SYTL5: variants seen among roughly 807,000 people sequenced by gnomAD.
The protein encoded by SYTL5 is synaptotagmin like 5, also known as synaptotagmin-like protein 5.
A neutral mutation model predicts 55.9 loss-of-function variants in SYTL5; 34 were observed. The ratio of observed to expected loss-of-function variants is 0.61; its 90% CI spans 0.46 to 0.81. The LOEUF is 0.81. SYTL5 is among the 30% of genes least tolerant of loss of function. SYTL5 has a pLI of 0.00. For missense variants in SYTL5, 637 were observed against 546.7 expected (o/e 1.17, Z -1.65); for synonymous variants, 221 against 188.7 (o/e 1.17, Z -1.40).
rs193112741 is a variant in SYTL5 at position 38,108,904 on chromosome X, C to T, written c.1434+205C>T. On this transcript the variant is annotated intron_variant, in intron 12 of 16. Coordinates refer to ENST00000297875, the MANE Select transcript of SYTL5 (RefSeq NM_138780.3). ...AACACTCTTACTCTATTTAAGTCTA[C>T]GCTGCTACTGAATTTGAACCTTGAG... Among the ~76,000 whole-genome samples the T allele has an allele frequency of 9.8e-5, 11 of 112,516 alleles. No homozygotes were observed. In the East Asian group the frequency reaches 1.4e-3, roughly 14 times the overall value.
In SYTL5 at chrX:38,108,718, A is replaced by C; in HGVS notation, c.1434+19A>C. 135 of 1,027,994 alleles carry C rather than the reference A, an allele frequency of 1.3e-4. No individual in the cohort carries two copies. The highest frequency in any genetic ancestry group is 1.6e-4 in the Non-Finnish European group (121 of 739,426). The allele number at this position is 1,027,994 out of a possible 1,213,427, so 84.7% of individuals were successfully genotyped here. A position where few individuals can be genotyped will look rare whatever the true frequency, so the allele number is the denominator to read the frequency against. ...ACTAAAGGTAAATAAATACGGTCTC[A>C]TAGTAACTCATGTGGTACTGTTCAC... is the stretch of plus-strand genomic sequence containing the variant. On this transcript the variant is annotated intron_variant, in intron 12 of 16. Coordinates refer to ENST00000297875, the MANE Select transcript of SYTL5 (RefSeq NM_138780.3).
chrX:37,902,441 A>T, the SYTL5 span, among the ~76,000 whole-genome samples: 1 of 112,364 alleles, frequency 8.9e-6, no homozygotes, highest in South Asian at 3.7e-4. Context: ...ATTTTAAAAA[A>T]ATTGTTAATG....
At chrX:37,929,668 C>A in the SYTL5 span, among the ~76,000 whole-genome samples, 3 of 111,436 alleles carry the variant, frequency 2.7e-5, no homozygotes, top group African/African-American at 6.5e-5. Flanking sequence ...TGATCTGAGA[C>A]AAATGGCCAC....
the SYTL5 span, among the ~76,000 whole-genome samples, chrX:37,968,114 T>A: frequency 4.5e-5 from 5 of 110,579 alleles, no homozygotes; most frequent in African/African-American, 1.6e-4. Context: ...GTAAGGTAAA[T>A]CAAATATCTC....
At position 38,110,486 on chromosome X, in the gene SYTL5, G is replaced by A; in HGVS notation, c.1596+4G>A. On this transcript the variant is annotated splice_donor_region_variant and intron_variant, in intron 13 of 16. Transcript: ENST00000297875. Reference sequence around the variant, plus strand: ...GTGGTTTGTGCTTCAACCCAAGGTAGGAAATGCTCTCAGATTAGTCAGTTA... The same window carrying A: ...GTGGTTTGTGCTTCAACCCAAGGTAAGAAATGCTCTCAGATTAGTCAGTTA... 6.8e-6 allele frequency: 8 copies of A among 1,183,111 alleles called. No individual in the cohort carries two copies. Among genetic ancestry groups the A allele is most frequent in the Non-Finnish European group, 8.0e-6 (7 of 878,762 alleles).
intron 3 of SYTL5, among the ~76,000 whole-genome samples, chrX:38,071,510 C>T (rs1243330773): frequency 2.7e-5 from 3 of 112,213 alleles, no homozygotes; most frequent in Non-Finnish European, 5.6e-5. Context: ...CCTATTCTCT[C>T]ATCAGTCTAA....
chrX:37,943,963 A>C, the SYTL5 span, among the ~76,000 whole-genome samples: 2 of 111,064 alleles, frequency 1.8e-5, no homozygotes, highest in African/African-American at 6.5e-5. Flanking sequence ...TCATCGGCAG[A>C]GTTCTGAACA....
At chrX:38,083,477 C>G (rs924979032) in intron 6 of SYTL5, among the ~76,000 whole-genome samples, 2 of 111,925 alleles carry the variant, frequency 1.8e-5, no homozygotes, top group Admixed American at 1.9e-4. Flanking sequence ...TCATTTGGCA[C>G]AATTTCATTG....
chrX:38,043,690 T>TATATATATATATAC (rs1366385489), intron 2 of SYTL5, among the ~76,000 whole-genome samples: 3 of 69,556 alleles, frequency 4.3e-5, no homozygotes, highest in South Asian at 6.8e-4. Flanking sequence ...TATATATATA[T>TATATATATATATAC]ACATATATAT....
At chrX:38,020,019 G>T (rs933313422) in intron 1 of SYTL5, among the ~76,000 whole-genome samples, 2 of 111,194 alleles carry the variant, frequency 1.8e-5, no homozygotes, top group East Asian at 5.6e-4. Flanking sequence ...CTGTTCTTTG[G>T]TTTTATATTT....
At chrX:38,094,566 C>T (rs1936879953) in intron 8 of SYTL5, 142 bp downstream of exon 8, 1 of 594,507 alleles carries the variant, frequency 1.7e-6, no homozygotes. Flanking sequence ...TAGGCCACTC[C>T]ATAAGAACTG....
chrX:38,094,363 T>A lies in SYTL5; in HGVS notation c.900T>A (p.Ser300Arg). 2 of 1,205,977 alleles carry A rather than the reference T, an allele frequency of 1.7e-6. No homozygotes were observed. The highest frequency in any genetic ancestry group is 2.2e-6 in the Non-Finnish European group (2 of 891,715). The change falls in exon 8 of 17, where the codon AGT becomes AGA. Residue 300 changes from serine (S) to arginine (R), a missense_variant. Coordinates refer to ENST00000297875, the MANE Select transcript of SYTL5 (RefSeq NM_138780.3). ...GTACCTCTCAGGAGCTCACAAAGAG[T>A]CACCGCAGAAACACTTCTGGCACAC... is the stretch of plus-strand genomic sequence containing the variant. The part of the protein sequence containing the change: ...IEGTSQELTK[S>R]HRRNTSGTPS...
chrX:37,985,616 G>T, the SYTL5 span, among the ~76,000 whole-genome samples: 15,514 of 108,994 alleles, frequency 0.14, 2,006 homozygotes, highest in African/African-American at 0.4. Flanking sequence ...TTTACCTACA[G>T]ATTTAACATA....
chrX:37,944,256 GTC>G, the SYTL5 span, among the ~76,000 whole-genome samples: 6 of 110,540 alleles, frequency 5.4e-5, no homozygotes, highest in African/African-American at 2.0e-4. Context: ...CACAGGTCTG[GTC>G]TGTTTTGGAA....
the SYTL5 span, among the ~76,000 whole-genome samples, chrX:37,910,221 T>C: frequency 8.9e-6 from 1 of 111,769 alleles, no homozygotes; most frequent in Admixed American, 9.5e-5. Flanking sequence ...CAAGGGTTGG[T>C]TGATCCTGAG....
At chrX:37,917,457 G>A in the SYTL5 span, among the ~76,000 whole-genome samples, 1 of 111,717 alleles carries the variant, frequency 9.0e-6, no homozygotes, top group African/African-American at 3.2e-5. Flanking sequence ...ATGAATTTCT[G>A]TCACAAACTA....
intron 3 of SYTL5, among the ~76,000 whole-genome samples, chrX:38,062,737 A>G (rs1935990216): frequency 1.8e-5 from 2 of 111,845 alleles, no homozygotes; most frequent in African/African-American, 6.5e-5. Flanking sequence ...CAACAATAAT[A>G]AAGTAAACAA....
At chrX:38,024,818 C>T (rs1266922417) in intron 1 of SYTL5, among the ~76,000 whole-genome samples, 2 of 111,359 alleles carry the variant, frequency 1.8e-5, no homozygotes, top group African/African-American at 3.3e-5. Context: ...AGCCTCTCTA[C>T]TGTTATTTGA....
Position 38,073,690 on chromosome X carries a change from G to C in SYTL5, c.546G>C (p.Lys182Asn), listed in dbSNP as rs772896227. 14 of 1,174,130 alleles carry C rather than the reference G, an allele frequency of 1.2e-5. No individual in the cohort carries two copies. The highest frequency in any genetic ancestry group is 1.6e-5 in the Non-Finnish European group (14 of 870,077). ...AGAAGGCCAGCCATGATGGGCCCAA[G>C]AGAAAGGGGTAAGACATGGTCTTTC... ...AGKKASHDGP[K>N]RKGFLLSKFR... Residue 182 changes from lysine to asparagine, a missense_variant, in exon 5 of 17, where the codon AAG (lysine) becomes AAC (asparagine). Lys to Asn is a moderately conservative substitution (Grantham distance 94). Transcript: ENST00000297875.
Sources: allele counts gnomAD v4.1 joint callset (sites outside exome capture counted in the v4.1 genomes callset), GRCh38; gene constraint gnomAD v4.1.1; transcripts MANE v1.5; gene names NCBI Gene and HGNC (gene_info 2026-07-23, HGNC 2026-07-21).